EPAS1: variants seen among roughly 807,000 people sequenced by gnomAD.
The protein encoded by EPAS1 is endothelial PAS domain-containing protein 1.
A neutral mutation model predicts 87.9 loss-of-function variants in EPAS1; 23 were observed. The ratio of observed to expected loss-of-function variants is 0.26; its 90% CI spans 0.19 to 0.37. EPAS1 has a LOEUF of 0.37. Ranked by LOEUF, EPAS1 falls within the 10% of genes least tolerant of loss-of-function variation. The probability of loss-of-function intolerance (pLI) is 1.00; values close to 1 mark genes in which losing one functional copy is unlikely to be tolerated. For synonymous variants in EPAS1, 508 were observed against 444.3 expected, an observed-to-expected ratio of 1.14 and a Z score of -1.80; for missense variants, 1,138 against 1,120.7, an observed-to-expected ratio of 1.02 and a Z score of -0.22.
chr2:46,328,514 G>A (rs1683609982), intron 1 of EPAS1, among the ~76,000 whole-genome samples: 1 of 152,228 alleles, frequency 6.6e-6, no homozygotes, highest in South Asian at 2.1e-4. Flanking sequence ...GTCAGTGATG[G>A]CCTGGTTTGA....
At chr2:46,365,813 C>T (rs753423621) in intron 6 of EPAS1, among the ~76,000 whole-genome samples, 1 of 152,314 alleles carries the variant, frequency 6.6e-6, no homozygotes, top group Non-Finnish European at 1.5e-5. Context: ...AGTGTCAAAG[C>T]TTATAAGCAC....
intron 15 of EPAS1, among the ~76,000 whole-genome samples, chr2:46,383,761 G>A (rs1219872870): frequency 6.6e-6 from 1 of 152,202 alleles, no homozygotes; most frequent in African/African-American, 2.4e-5. Context: ...AGCAAGGGAT[G>A]GTGAGCAGGT....
intron 1 of EPAS1, among the ~76,000 whole-genome samples, chr2:46,331,827 C>A (rs1683679865): frequency 6.6e-6 from 1 of 152,334 alleles, no homozygotes. Flanking sequence ...TCACTCTAAT[C>A]TTCTAAATCG....
intron 1 of EPAS1, chr2:46,335,627 G>C (rs147422633): frequency 4.6e-5 from 7 of 152,202 alleles, no homozygotes; most frequent in African/African-American, 1.7e-4. Flanking sequence ...CTGTAAATTT[G>C]AGGGTTAATT....
intron 1 of EPAS1, among the ~76,000 whole-genome samples, chr2:46,309,595 T>G (rs1037367838): frequency 6.6e-6 from 1 of 152,150 alleles, no homozygotes. Context: ...AGGTCTGTCT[T>G]GAAGATTAGG....
chr2:46,313,279 T>C (rs1370238208), intron 1 of EPAS1, among the ~76,000 whole-genome samples: 1 of 152,130 alleles, frequency 6.6e-6, no homozygotes, highest in Non-Finnish European at 1.5e-5. Context: ...TGCCTAAGCT[T>C]GCTCATCCCT....
intron 12 of EPAS1, chr2:46,381,296 G>C (rs888026146): frequency 1.8e-5 from 8 of 453,536 alleles, no homozygotes; most frequent in African/African-American, 1.6e-4. Context: ...TTTTCAGTGG[G>C]AGCAAAAGGC....
At position 46,357,376 on chromosome 2, in the gene EPAS1, A is replaced by C. The variant is rs58338963; in HGVS notation, c.454+568A>C. On this transcript the variant is annotated intron_variant, in intron 4 of 15. Transcript: ENST00000263734. The stretch of plus-strand genomic sequence containing the variant: ...GGCAGGTGGCTGGAACCCTGGACTC[A>C]GTTGGCATGCTGGGACAACAGGACT... Among the ~76,000 whole-genome samples, 763 of 152,244 alleles carry C rather than the reference A, an allele frequency of 5.0e-3. 4 individuals are homozygous for C. The highest frequency in any genetic ancestry group is 0.018 in the African/African-American group (743 of 41,538).
In EPAS1 at chr2:46,375,713, A is replaced by G; in HGVS notation, c.910A>G (p.Ser304Gly). Residue 304 changes from serine to glycine, a missense_variant, in exon 8 of 16, where the codon AGT becomes GGT. Transcript: ENST00000263734. The surrounding 1 kb of genome is among the most constrained non-coding windows in gnomAD (Gnocchi z 4.1). Reference protein sequence around the residue: ...QNLCTKGQVVSGQYRMLAKHG... With the variant: ...QNLCTKGQVVGGQYRMLAKHG... ...AGTGTGCACCAAGGGTCAGGTAGTA[A>G]GTGGCCAGTACCGGATGCTCGCAAA... is the stretch of plus-strand genomic sequence containing the variant. The G allele has an allele frequency of 6.2e-7, 1 of 1,614,106 alleles. No homozygotes were observed. Among genetic ancestry groups the G allele is most frequent in the Non-Finnish European group, 8.5e-7 (1 of 1,180,000 alleles).
chr2:46,375,866 G>C lies in EPAS1; in HGVS notation c.1034+29G>C. The C allele has an allele frequency of 6.2e-7, 1 of 1,613,988 alleles. No individual in the cohort carries two copies. Among genetic ancestry groups the C allele is most frequent in the Non-Finnish European group, 8.5e-7 (1 of 1,180,014 alleles). On this transcript the variant is annotated intron_variant, in intron 8 of 15. Transcript: ENST00000263734. This position sits in a 1 kb window ranked among gnomAD's most constrained non-coding sequence, Gnocchi z 4.1. ...AGCATGTGAGGGCTGGCGGGCCTTG[G>C]TGCAGGGTATGTGGGGGTGCCCAAG...
intron 1 of EPAS1, among the ~76,000 whole-genome samples, chr2:46,309,564 A>G (rs1217979132): frequency 6.6e-6 from 1 of 152,208 alleles, no homozygotes; most frequent in Non-Finnish European, 1.5e-5. Context: ...AGGGAGGTTT[A>G]TTGGAGGAGC....
At chr2:46,313,414 T>A (rs1287611421) in intron 1 of EPAS1, among the ~76,000 whole-genome samples, 1 of 151,972 alleles carries the variant, frequency 6.6e-6, no homozygotes, top group Non-Finnish European at 1.5e-5. Context: ...TTTTGTTTTG[T>A]TTTAGCAGTA....
chr2:46,343,894 G>C (rs1245689554), intron 1 of EPAS1, among the ~76,000 whole-genome samples: 1 of 152,240 alleles, frequency 6.6e-6, no homozygotes, highest in Non-Finnish European at 1.5e-5. Context: ...TCTGTTTCCA[G>C]ATCTGTGAAA....
At chr2:46,359,756 G>T (rs1684350336) in intron 4 of EPAS1, among the ~76,000 whole-genome samples, 1 of 152,160 alleles carries the variant, frequency 6.6e-6, no homozygotes, top group Non-Finnish European at 1.5e-5. Flanking sequence ...TATGATGCTG[G>T]GTAGGGGGCA....
In EPAS1 at chr2:46,375,269, C is replaced by T. The variant is rs985313045; in HGVS notation, c.887-421C>T. On this transcript the variant is annotated intron_variant, in intron 7 of 15. Transcript: ENST00000263734. This position sits in a 1 kb window ranked among gnomAD's most constrained non-coding sequence, Gnocchi z 4.1. ...AAGTCCCCCCACCTGGAGTGCTTGA[C>T]GGGATGGCGCTCCTTACCCAGTGTG... Among the ~76,000 whole-genome samples, 7 of 150,848 alleles carry T rather than the reference C, an allele frequency of 4.6e-5. No homozygotes were observed. The highest frequency in any genetic ancestry group is 1.0e-4 in the Non-Finnish European group (7 of 67,748).
intron 6 of EPAS1, among the ~76,000 whole-genome samples, chr2:46,361,503 T>C (rs1415021044): frequency 6.6e-6 from 1 of 152,196 alleles, no homozygotes; most frequent in African/African-American, 2.4e-5. Context: ...ACTGACCCTC[T>C]TCCATTACTG....
chr2:46,371,204 C>T lies in EPAS1; in HGVS notation c.886+1271C>T, dbSNP rs1033130815. Among the ~76,000 whole-genome samples the T allele has an allele frequency of 5.3e-5, 8 of 152,102 alleles. No individual in the cohort carries two copies. Among genetic ancestry groups the T allele is most frequent in the Admixed American group, 2.6e-4 (4 of 15,276 alleles). On this transcript the variant is annotated intron_variant, in intron 7 of 15. Transcript: ENST00000263734. The surrounding 1 kb of genome is among the most constrained non-coding windows in gnomAD (Gnocchi z 4.3). ...GTGGCCCTGCTGGCAATGGAGAAAA[C>T]GGAAGGGCAGCCATTTGTCCATGGC...
Position 46,371,912 on chromosome 2 carries a change from G to A in EPAS1, c.886+1979G>A, listed in dbSNP as rs1006152466. Among the ~76,000 whole-genome samples the A allele has an allele frequency of 3.3e-5, 5 of 152,172 alleles. No individual in the cohort carries two copies. Among genetic ancestry groups the A allele is most frequent in the African/African-American group, 1.2e-4 (5 of 41,426 alleles). On this transcript the variant is annotated intron_variant, in intron 7 of 15. Coordinates refer to ENST00000263734, the MANE Select transcript of EPAS1 (RefSeq NM_001430.5). The surrounding 1 kb of genome is among the most constrained non-coding windows in gnomAD (Gnocchi z 4.3). ...TATTACCTTTTATCTTGTAGGATGG[G>A]AAAGCAGAAGAAGCTACTGTCAAAG...
intron 1 of EPAS1, among the ~76,000 whole-genome samples, chr2:46,342,267 G>C (rs544953916): frequency 5.3e-5 from 8 of 152,310 alleles, no homozygotes; most frequent in African/African-American, 1.9e-4. Flanking sequence ...ACCTGGAGCT[G>C]GGTGTGTTTC....
Sources: gnomAD v4.1 joint callset for allele counts (sites outside exome capture counted in the v4.1 genomes callset) on GRCh38, gnomAD v4.1.1 for gene constraint, Gnocchi (gnomAD v3.1) non-coding constraint, MANE v1.5 for transcripts, NCBI Gene and HGNC (gene_info 2026-07-23, HGNC 2026-07-21) for gene names.